The following VPS13A variants were observed in gnomAD, a reference collection of about 807,000 sequenced individuals.
VPS13A encodes vacuolar protein sorting 13 homolog A, also known as intermembrane lipid transfer protein VPS13A.
Under a neutral mutation model 390.9 loss-of-function variants are expected in VPS13A, and 264 were observed. The observed-to-expected ratio is 0.68, with a 90% CI of 0.61 to 0.75. The LOEUF (loss-of-function observed/expected upper bound fraction) is 0.75. Ranked by LOEUF, VPS13A falls within the 30% of genes least tolerant of loss-of-function variation. The pLI is 0.00. For synonymous variants in VPS13A, 1,231 were observed against 1,227.1 expected (o/e 1.00, Z -0.07); for missense variants, 3,409 against 3,733.9 (o/e 0.91, Z 2.27).
Position 77,370,870 on chromosome 9 carries a change from C to T in VPS13A, c.8908-20C>T. ...ATCATAAAAAAGTATTGTAAATTTT[C>T]AGTTGTGTTTTCCTTCTAGGGATTT... On this transcript the variant is annotated intron_variant, in intron 65 of 71. Coordinates refer to ENST00000360280, the MANE Select transcript of VPS13A (RefSeq NM_033305.3). 6.2e-7 allele frequency: 1 copy of T among 1,612,246 alleles called. No homozygotes were observed.
rs764142410 is a variant in VPS13A, at chr9:77,310,929, A to AT, written c.4114+2845dup. ...ATGTACTCATCACCCACTTTCACTAATTTTTTTTTTTTTTGAGACAGAGTC... is the reference window on the plus strand; with the variant it reads ...ATGTACTCATCACCCACTTTCACTAATTTTTTTTTTTTTTTGAGACAGAGTC... On this transcript the variant is annotated intron_variant, in intron 35 of 71. Transcript: ENST00000360280. Among the ~76,000 whole-genome samples, 343 of 145,830 alleles carry AT rather than the reference A, an allele frequency of 2.4e-3. 2 individuals are homozygous for AT. Among genetic ancestry groups the AT allele is most frequent in the South Asian group, 3.5e-3 (16 of 4,594 alleles).
At chr9:77,323,312 C>G (rs1033716425) in intron 45 of VPS13A, 85 bp downstream of exon 45, 8 of 1,480,330 alleles carry the variant, frequency 5.4e-6, no homozygotes, top group Non-Finnish European at 7.5e-6. Context: ...CAAATTATTA[C>G]TGAAAGAATA....
At chr9:77,217,022 ATCT>A (rs1179563919) in intron 10 of VPS13A, among the ~76,000 whole-genome samples, 19 of 152,122 alleles carry the variant, frequency 1.2e-4, no homozygotes, top group African/African-American at 4.1e-4. Context: ...TCAAATGTTA[ATCT>A]TCTTTGGCAA....
chr9:77,219,993 A>T lies in VPS13A; in HGVS notation c.794A>T (p.Asn265Ile), dbSNP rs778231804. ...TCTGCTAATGCCAAACTTGTGATGA[A>T]TCGCCGATCTGATTTTGACTTTTCT... is the stretch of plus-strand genomic sequence containing the variant. ...PISANAKLVM[N>I]RRSDFDFSAP... Residue 265 changes from asparagine (N) to isoleucine (I), a missense_variant, in exon 11 of 72, where the codon AAT (asparagine) becomes ATT (isoleucine). Transcript: ENST00000360280. The T allele has an allele frequency of 2.5e-6, 4 of 1,613,626 alleles. No homozygotes were observed. Among genetic ancestry groups the T allele is most frequent in the Non-Finnish European group, 3.4e-6 (4 of 1,179,710 alleles).
At position 77,337,496 on chromosome 9, in the gene VPS13A, C is replaced by G; in HGVS notation, c.6337C>G (p.Leu2113Val). The G allele has an allele frequency of 1.9e-6, 3 of 1,612,932 alleles. No homozygotes were observed. The highest frequency in any genetic ancestry group is 2.5e-6 in the Non-Finnish European group (3 of 1,179,510). Residue 2113 changes from leucine (L) to valine (V), a missense_variant, in exon 47 of 72, where the codon CTC (leucine) becomes GTC (valine). Leu to Val is a conservative substitution (Grantham distance 32). This residue lies in a region of VPS13A where 2,717 missense variants were observed against 2,917.4 expected (regional missense o/e 0.93). Transcript: ENST00000360280. The part of the protein sequence containing the change: ...YIMHLWPPIL[L>V]RNLLPYKIAY... ...AATGCATTTGTGGCCACCTATCCTG[C>G]TCCGAAATCTTCTTCCTTACAAAAT... is the stretch of plus-strand genomic sequence containing the variant.
intron 1 of VPS13A, 33 bp downstream of exon 1, chr9:77,177,837 C>T (rs777646984): frequency 1.9e-6 from 3 of 1,583,200 alleles, no homozygotes; most frequent in Middle Eastern, 2.0e-4. Context: ...TCCCCGGCCT[C>T]TCGTGCTTCC....
At chr9:77,399,167 T>TAAAAAAAAAAAAAAAAAAAA (rs763173093) in intron 68 of VPS13A, among the ~76,000 whole-genome samples, 1 of 86,060 alleles carries the variant, frequency 1.2e-5, no homozygotes, top group African/African-American at 4.1e-5. Flanking sequence ...TAGAGTATAA[T>TAAAAAAAAAAAAAAAAAAAA]AAAAAAAAAA....
At chr9:77,295,375 G>A (rs957687555) in intron 32 of VPS13A, among the ~76,000 whole-genome samples, 167 bp from the exon 33 acceptor site, 1 of 151,828 alleles carries the variant, frequency 6.6e-6, no homozygotes, top group Non-Finnish European at 1.5e-5. Context: ...AGTTTTTGTG[G>A]CAGAAAATTA....
intron 23 of VPS13A, among the ~76,000 whole-genome samples, chr9:77,266,550 C>T (rs941398058): frequency 2.6e-5 from 4 of 151,890 alleles, no homozygotes; most frequent in Middle Eastern, 3.2e-3. Context: ...TGATGGTCTT[C>T]CCTTTGTGGG....
chr9:77,239,067 A>AT lies in VPS13A; in HGVS notation c.1900+691dup, dbSNP rs560423691. Among the ~76,000 whole-genome samples, 837 of 149,402 alleles carry AT rather than the reference A, an allele frequency of 5.6e-3. 22 individuals carry two copies. The highest frequency in any genetic ancestry group is 0.037 in the East Asian group (191 of 5,118). On this transcript the variant is annotated intron_variant, in intron 19 of 71. Transcript: ENST00000360280. ...TTCAAATTTTTTGTATCCTTACTGG[A>AT]TTTTTTTTTTCCCCTTTTGTCACCT...
chr9:77,302,221 G>C (rs1828413038), intron 33 of VPS13A, among the ~76,000 whole-genome samples: 1 of 151,848 alleles, frequency 6.6e-6, no homozygotes, highest in Non-Finnish European at 1.5e-5. Context: ...GCCTCCCAAA[G>C]TGCTGGGATT....
intron 23 of VPS13A, among the ~76,000 whole-genome samples, chr9:77,262,324 C>A (rs1042371345): frequency 6.6e-6 from 1 of 151,926 alleles, no homozygotes; most frequent in African/African-American, 2.4e-5. Flanking sequence ...AAAATATATT[C>A]ACATTTCCCT....
intron 5 of VPS13A, among the ~76,000 whole-genome samples, chr9:77,206,872 T>C (rs950144568): frequency 4.4e-5 from 6 of 135,680 alleles, no homozygotes; most frequent in Admixed American, 1.4e-4. Flanking sequence ...TAAAAAATAA[T>C]AAGCTTCAAT....
intron 5 of VPS13A, among the ~76,000 whole-genome samples, chr9:77,207,252 T>TACGTATATATATATATAA: frequency 4.6e-5 from 4 of 87,250 alleles, no homozygotes; most frequent in East Asian, 3.7e-4. Context: ...TATATATATA[T>TACGTATATATATATATAA]AAAACGTGTT....
Position 77,200,343 on chromosome 9 carries a change from G to A in VPS13A, c.144+355G>A, listed in dbSNP as rs559071632. 2.1e-4 allele frequency among the ~76,000 whole-genome samples: 32 copies of A among 152,146 alleles called. No homozygotes were observed. The South Asian group carries it at 3.9e-3, about 19-fold the overall frequency. On this transcript the variant is annotated intron_variant, in intron 2 of 71. Transcript: ENST00000360280. The stretch of plus-strand genomic sequence containing the variant: ...CTCTACTAAAAATGCAAAAAGCTTC[G>A]CCAGGCATGGTGGTGGACGCCAGTA...
chr9:77,343,006 A>G (rs1176520083), intron 50 of VPS13A, among the ~76,000 whole-genome samples: 4 of 152,164 alleles, frequency 2.6e-5, no homozygotes, highest in Non-Finnish European at 5.9e-5. Context: ...CTGAGAGTAG[A>G]CAAAAAGTGT....
intron 20 of VPS13A, among the ~76,000 whole-genome samples, chr9:77,248,272 G>C (rs1379697279): frequency 4.0e-5 from 6 of 150,392 alleles, no homozygotes; most frequent in Admixed American, 6.6e-5. Flanking sequence ...CTGGAGTGCA[G>C]TGGCACGATC....
chr9:77,308,103 G>A lies in VPS13A; in HGVS notation c.4114+5G>A. 6.2e-7 allele frequency: 1 copy of A among 1,613,768 alleles called. No individual in the cohort carries two copies. Among genetic ancestry groups the A allele is most frequent in the Non-Finnish European group, 8.5e-7 (1 of 1,179,796 alleles). The stretch of plus-strand genomic sequence containing the variant: ...ATGCTTCACACCATTCAGGAGGTAT[G>A]TTTTTAACTTCAAATTTCTTTCTGC... On this transcript the variant is annotated splice_donor_5th_base_variant and intron_variant, in intron 35 of 71. Transcript: ENST00000360280.
rs1828607852 is a variant in VPS13A, at chr9:77,304,668, A to G, written c.3960+1606A>G. Among the ~76,000 whole-genome samples the G allele has an allele frequency of 4.6e-5, 7 of 152,248 alleles. No homozygotes were observed. The South Asian group carries it at 1.2e-3, about 27-fold the overall frequency. On this transcript the variant is annotated intron_variant, in intron 34 of 71. Transcript: ENST00000360280. The stretch of plus-strand genomic sequence containing the variant: ...AAATGAAAATGGCAAATGTGTCACC[A>G]CCTTAGTTTTACTTTCTTATTGGTT...
Sources: allele counts gnomAD v4.1 joint callset (sites outside exome capture counted in the v4.1 genomes callset), GRCh38; gene constraint gnomAD v4.1.1; regional missense constraint gnomAD v4.1.1; transcripts MANE v1.5; gene names NCBI Gene and HGNC (gene_info 2026-07-23, HGNC 2026-07-21).